Variants in TNFSF11 observed in about 807,000 individuals in gnomAD.
TNFSF11 encodes tumor necrosis factor ligand superfamily member 11.
A neutral mutation model predicts 32.2 loss-of-function variants in TNFSF11; 12 were observed. That is an observed-to-expected ratio of 0.37 (90% CI 0.24 to 0.60). TNFSF11 has a LOEUF of 0.60. Among genes scored for constraint, TNFSF11 ranks in the 20% least tolerant of loss-of-function variants. TNFSF11 has a pLI of 0.66. For missense variants in TNFSF11, 345 were observed against 398.0 expected, an observed-to-expected ratio of 0.87 and a Z score of 1.13; for synonymous variants, 172 against 152.1, an observed-to-expected ratio of 1.13 and a Z score of -0.96.
rs1471747028 is a variant in TNFSF11 at position 42,574,219 on chromosome 13, G to T, written c.-85G>T. On this transcript the variant is annotated 5_prime_UTR_variant, in exon 1 of 5. Transcript: ENST00000398795. The stretch of plus-strand genomic sequence containing the variant: ...AGTCGGCGCCCCACGTCGAGGCTCC[G>T]CCGCAGCCTCCGGAGTTGGCCGCAG... 1 of 1,514,586 alleles carries T rather than the reference G, an allele frequency of 6.6e-7. No homozygotes were observed. Among genetic ancestry groups the T allele is most frequent in the African/African-American group, 1.4e-5 (1 of 72,232 alleles). The allele number at this position is 1,514,586 out of a possible 1,614,324, so 93.8% of individuals were successfully genotyped here. A position where few individuals can be genotyped will look rare whatever the true frequency, so the allele number is the denominator to read the frequency against.
intron 1 of TNFSF11, 67 bp from the exon 2 acceptor site, chr13:42,581,059 C>A: frequency 6.4e-7 from 1 of 1,559,014 alleles, no homozygotes; most frequent in Non-Finnish European, 8.8e-7. Context: ...TCTTAAGTCA[C>A]ACTGTATTAA....
At chr13:42,603,415 A>G (rs1869281676) in intron 4 of TNFSF11, among the ~76,000 whole-genome samples, 1 of 152,028 alleles carries the variant, frequency 6.6e-6, no homozygotes, top group African/African-American at 2.4e-5. Flanking sequence ...AGTGATGAAA[A>G]TCCAGGTTTC....
At position 42,607,829 on chromosome 13, in the gene TNFSF11, G is replaced by C. The variant is rs200176189; in HGVS notation, c.*911G>C. The stretch of plus-strand genomic sequence containing the variant: ...GAGTAGTTATATAATTGTTGAACAG[G>C]TGTTTTTCCACAAGTGCCGCAAATT... On this transcript the variant is annotated 3_prime_UTR_variant, in exon 5 of 5. Coordinates refer to ENST00000398795, the MANE Select transcript of TNFSF11 (RefSeq NM_003701.4). 2 of 152,360 alleles carry C rather than the reference G, an allele frequency of 1.3e-5. No individual in the cohort carries two copies. Among genetic ancestry groups the C allele is most frequent in the African/African-American group, 2.4e-5 (1 of 41,392 alleles). The allele number at this position is 152,360 out of a possible 1,614,324, so 9.4% of individuals were successfully genotyped here.
chr13:42,563,889 G>T (rs1351640219), intron 1 of TNFSF11, among the ~76,000 whole-genome samples: 1 of 152,110 alleles, frequency 6.6e-6, no homozygotes, highest in African/African-American at 2.4e-5. Flanking sequence ...AGTTTGGAAA[G>T]TTCTCACCAT....
chr13:42,590,957 G>A (rs961440720), intron 2 of TNFSF11, among the ~76,000 whole-genome samples: 3 of 152,198 alleles, frequency 2.0e-5, no homozygotes, highest in Admixed American at 6.5e-5. Flanking sequence ...GACATGAACT[G>A]TTTGCAAAAA....
chr13:42,574,256 A>T lies in TNFSF11; in HGVS notation c.-48A>T, dbSNP rs1424929973. On this transcript the variant is annotated 5_prime_UTR_variant, in exon 1 of 5. Transcript: ENST00000398795. Reference sequence around the variant, plus strand: ...GGAGTTGGCCGCAGACAAGAAGGGGAGGGAGCGGGAGAGGGAGGAGAGCTC... The same window carrying T: ...GGAGTTGGCCGCAGACAAGAAGGGGTGGGAGCGGGAGAGGGAGGAGAGCTC... 6.5e-7 allele frequency: 1 copy of T among 1,538,950 alleles called. No individual in the cohort carries two copies. Among genetic ancestry groups the T allele is most frequent in the Admixed American group, 2.0e-5 (1 of 50,870 alleles).
chr13:42,586,578 A>G (rs1042831915), intron 2 of TNFSF11, among the ~76,000 whole-genome samples: 4 of 152,316 alleles, frequency 2.6e-5, no homozygotes, highest in East Asian at 3.9e-4. Context: ...CCTGACTGCT[A>G]TGTAGAGGTG....
chr13:42,562,943 G>C (rs1282787917), exon 1 of TNFSF11: 1 of 152,298 alleles, frequency 6.6e-6, no homozygotes, highest in Non-Finnish European at 1.5e-5. Flanking sequence ...GCAAGCTGTA[G>C]CCAGAAGAAA....
At chr13:42,597,068 G>T (rs2137896101) in intron 2 of TNFSF11, among the ~76,000 whole-genome samples, 1 of 152,306 alleles carries the variant, frequency 6.6e-6, no homozygotes, top group Non-Finnish European at 1.5e-5. Context: ...TTAGAAGAAT[G>T]TTATTTTTAT....
intron 2 of TNFSF11, among the ~76,000 whole-genome samples, chr13:42,592,924 T>C (rs992480642): frequency 1.5e-4 from 23 of 152,060 alleles, no homozygotes; most frequent in African/African-American, 5.1e-4. Context: ...CCACCAAGAC[T>C]GTAGGTTTCC....
At chr13:42,575,957 G>A (rs1873293553) in intron 1 of TNFSF11, among the ~76,000 whole-genome samples, 1 of 152,204 alleles carries the variant, frequency 6.6e-6, no homozygotes, top group Non-Finnish European at 1.5e-5. Context: ...TGCCAGCGTT[G>A]TGCGTGGCAC....
intron 1 of TNFSF11, among the ~76,000 whole-genome samples, chr13:42,579,771 A>G (rs1174558107): frequency 7.2e-6 from 1 of 138,068 alleles, no homozygotes. Flanking sequence ...AAAAATTCAC[A>G]TATTATGACT....
chr13:42,586,674 G>T (rs938658048), intron 2 of TNFSF11, among the ~76,000 whole-genome samples: 2 of 152,156 alleles, frequency 1.3e-5, no homozygotes, highest in African/African-American at 4.8e-5. Flanking sequence ...TCCAAAATAT[G>T]AAAAGCCAAT....
chr13:42,603,530 C>T (rs927985684), intron 4 of TNFSF11, among the ~76,000 whole-genome samples: 4 of 152,136 alleles, frequency 2.6e-5, no homozygotes, highest in African/African-American at 9.7e-5. Flanking sequence ...TCCTCCTTTT[C>T]CCCCATACGT....
chr13:42,604,386 G>A (rs931907253), intron 4 of TNFSF11, among the ~76,000 whole-genome samples: 4 of 152,168 alleles, frequency 2.6e-5, no homozygotes, highest in South Asian at 2.1e-4. Context: ...TAAGACCTCC[G>A]ATGAAAAAGA....
intron 1 of TNFSF11, among the ~76,000 whole-genome samples, chr13:42,564,065 C>G (rs1306587777): frequency 6.6e-6 from 1 of 151,878 alleles, no homozygotes; most frequent in Non-Finnish European, 1.5e-5. Flanking sequence ...ATTGAATTGG[C>G]TTTGAATTCA....
rs1459557121 is a variant in TNFSF11 at position 42,606,488 on chromosome 13, TCTC to T, written c.533-7_533-5del. ...TGACTTTCAAATCTTATGCCTCTCT[TCTC>T]CACAGGTTCCCATAAAGTGAGTCTG... On this transcript the variant is annotated splice_polypyrimidine_tract_variant and splice_region_variant and intron_variant, in intron 4 of 4. Transcript: ENST00000398795. The T allele has an allele frequency of 1.9e-6, 3 of 1,614,086 alleles. No homozygotes were observed. The South Asian group carries it at 3.3e-5, about 18-fold the overall frequency.
At chr13:42,588,623 G>C (rs1874015846) in intron 2 of TNFSF11, among the ~76,000 whole-genome samples, 1 of 152,172 alleles carries the variant, frequency 6.6e-6, no homozygotes, top group Non-Finnish European at 1.5e-5. Flanking sequence ...ATGTGCCTTA[G>C]AGCAGTGTTT....
chr13:42,606,135 G>A (rs1026013284), intron 4 of TNFSF11, among the ~76,000 whole-genome samples: 3 of 152,148 alleles, frequency 2.0e-5, no homozygotes, highest in African/African-American at 4.8e-5. Context: ...ACCCTTCTGG[G>A]TGGAAAGTTG....
Sources: allele counts gnomAD v4.1 joint callset (sites outside exome capture counted in the v4.1 genomes callset), GRCh38; gene constraint gnomAD v4.1.1; transcripts MANE v1.5; gene names NCBI Gene and HGNC (gene_info 2026-07-23, HGNC 2026-07-21).